USP19: variants seen among roughly 807,000 people sequenced by gnomAD.
The protein encoded by USP19 is ubiquitin carboxyl-terminal hydrolase 19.
In USP19, 40 loss-of-function variants were observed where a neutral mutation model predicts 144.8. That is an observed-to-expected ratio of 0.28 (90% CI 0.21 to 0.36). The LOEUF (loss-of-function observed/expected upper bound fraction) is 0.36, where lower values mean the gene tolerates loss of function less well. Ranked by LOEUF, USP19 falls within the 10% of genes least tolerant of loss-of-function variation. The pLI, the probability that USP19 is intolerant of heterozygous loss-of-function variation, is 1.00. For missense variants in USP19, 1,518 were observed against 1,822.5 expected, an observed-to-expected ratio of 0.83 and a Z score of 3.04; for synonymous variants, 701 against 709.3, an observed-to-expected ratio of 0.99 and a Z score of 0.19.
chr3:49,115,831 C>G lies in USP19; in HGVS notation c.1585G>C (p.Glu529Gln), dbSNP rs1385189300. The change falls in exon 11 of 27, where the codon GAG becomes CAG. Residue 529 changes from glutamate to glutamine, a missense_variant. Glu to Gln is a conservative substitution (Grantham distance 29, BLOSUM62 2). This residue lies in a region of USP19 where 707 missense variants were observed against 728.9 expected (regional missense o/e 0.97). Transcript: ENST00000417901. The surrounding 1 kb of genome is among the most constrained non-coding windows in gnomAD (Gnocchi z 6.6). ...GATCGTGCCTTGGATTTATCCTTCT[C>G]CACAGCCCGGGCCTCCTCCTGGCCT... Reference protein sequence around the residue: ...LTGQEEARAVEKDKSKARSED... With the variant: ...LTGQEEARAVQKDKSKARSED... 1.2e-6 allele frequency: 2 copies of G among 1,613,708 alleles called. No individual in the cohort carries two copies. The highest frequency in any genetic ancestry group is 1.3e-5 in the African/African-American group (1 of 75,040).
intron 17 of USP19, among the ~76,000 whole-genome samples, chr3:49,113,472 G>C (rs192875596): frequency 6.6e-6 from 1 of 152,214 alleles, no homozygotes; most frequent in Admixed American, 6.5e-5. Flanking sequence ...TAGAGGTGGG[G>C]TTTCACCATG....
chr3:49,113,361 C>G (rs1180430379), intron 17 of USP19, among the ~76,000 whole-genome samples: 3 of 151,972 alleles, frequency 2.0e-5, no homozygotes, highest in Non-Finnish European at 4.4e-5. Flanking sequence ...ACTGCAACCT[C>G]TGCCTCCCAG....
In USP19 at chr3:49,110,701, C is replaced by T; in HGVS notation, c.3698+10G>A. 6.2e-7 allele frequency: 1 copy of T among 1,613,512 alleles called. No homozygotes were observed. The highest frequency in any genetic ancestry group is 8.5e-7 in the Non-Finnish European group (1 of 1,179,712). ...CACCCCACCCACAGTTACCAAGGTC[C>T]ACTGCTTACCTAACAGGGAACTCCA... is the stretch of plus-strand genomic sequence containing the variant. On this transcript the variant is annotated intron_variant, in intron 24 of 26. Transcript: ENST00000417901. The surrounding 1 kb of genome is among the most constrained non-coding windows in gnomAD (Gnocchi z 6.1).
In USP19 at chr3:49,114,106, G is replaced by A. The variant is rs2043672145; in HGVS notation, c.2404-13C>T. The stretch of plus-strand genomic sequence containing the variant: ...CGCTCACCAGGAACTGTGGCAAAAA[G>A]GGCAGTCAGTGAGGGAGGTGGGCCA... On this transcript the variant is annotated splice_polypyrimidine_tract_variant and intron_variant, in intron 16 of 26. Coordinates refer to ENST00000417901, the MANE Select transcript of USP19 (RefSeq NM_001199161.2). This position sits in a 1 kb window ranked among gnomAD's most constrained non-coding sequence, Gnocchi z 4.5. The A allele has an allele frequency of 1.2e-6, 2 of 1,614,092 alleles. No individual in the cohort carries two copies. Among genetic ancestry groups the A allele is most frequent in the Non-Finnish European group, 8.5e-7 (1 of 1,180,048 alleles).
In USP19 at chr3:49,110,678, C is replaced by A; in HGVS notation, c.3698+33G>T. 3.7e-6 allele frequency: 6 copies of A among 1,611,914 alleles called. No individual in the cohort carries two copies. The highest frequency in any genetic ancestry group is 5.1e-6 in the Non-Finnish European group (6 of 1,178,640). On this transcript the variant is annotated intron_variant, in intron 24 of 26. Transcript: ENST00000417901. This position sits in a 1 kb window ranked among gnomAD's most constrained non-coding sequence, Gnocchi z 6.1. The stretch of plus-strand genomic sequence containing the variant: ...CAGGATGCCCATCCTGGTCCTCACA[C>A]CCCACCCACAGTTACCAAGGTCCAC...
At position 49,115,368 on chromosome 3, in the gene USP19, A is replaced by G. The variant is rs1443477432; in HGVS notation, c.1889-7T>C. 2 of 1,614,094 alleles carry G rather than the reference A, an allele frequency of 1.2e-6. No individual in the cohort carries two copies. The highest frequency in any genetic ancestry group is 1.7e-5 in the Admixed American group (1 of 60,012). The stretch of plus-strand genomic sequence containing the variant: ...TCAGCCTCAAAGGAGCGGTCTAGGA[A>G]TAGTAGCCGAGCAAAGGTGTGAGGA... On this transcript the variant is annotated splice_polypyrimidine_tract_variant and splice_region_variant and intron_variant, in intron 12 of 26. Transcript: ENST00000417901. The surrounding 1 kb of genome is among the most constrained non-coding windows in gnomAD (Gnocchi z 6.6).
In USP19 at chr3:49,116,061, G is replaced by A; in HGVS notation, c.1457C>T (p.Ala486Val). ...CGTGTGCAGACCTCGTGCAGCCGGG[G>A]CCTCCAGGCCCCCCCAGCGCTGACT... Reference protein sequence around the residue: ...RQSQRWGGLEAPAARGAVGGA... With the variant: ...RQSQRWGGLEVPAARGAVGGA... Residue 486 changes from alanine to valine, a missense_variant, in exon 10 of 27, where the codon GCC (alanine) becomes GTC (valine). Ala to Val is a moderately conservative substitution (Grantham distance 64). Around this residue, in one of 5 missense-constraint regions of USP19, gnomAD observed 707 missense variants for 728.9 expected, o/e 0.97. Transcript: ENST00000417901. This position sits in a 1 kb window ranked among gnomAD's most constrained non-coding sequence, Gnocchi z 5.0. 6.3e-7 allele frequency: 1 copy of A among 1,597,678 alleles called. No homozygotes were observed. Among genetic ancestry groups the A allele is most frequent in the Non-Finnish European group, 8.5e-7 (1 of 1,175,798 alleles).
Position 49,111,986 on chromosome 3 carries a change from T to C in USP19, c.2828A>G (p.Tyr943Cys), listed in dbSNP as rs1575440521. The C allele has an allele frequency of 1.9e-6, 3 of 1,613,746 alleles. No homozygotes were observed. The highest frequency in any genetic ancestry group is 1.7e-5 in the Admixed American group (1 of 59,984). Residue 943 changes from tyrosine (Y) to cysteine (C), a missense_variant, in exon 20 of 27, where the codon TAC (tyrosine) becomes TGC (cysteine). Transcript: ENST00000417901. This position sits in a 1 kb window ranked among gnomAD's most constrained non-coding sequence, Gnocchi z 5.9. The stretch of plus-strand genomic sequence containing the variant: ...GGCAGGTACACTGACCAGGAAGGGG[T>C]AGCCAATGTTCTCAGGTCGGCAGAG... ...KGLCRPENIG[Y>C]PFLVSVPASR...
Position 49,109,002 on chromosome 3 carries a change from G to A in USP19, c.4039-474C>T, listed in dbSNP as rs779486389. ...GATACCAGAGGATAGAACACGTTGA[G>A]CACGAGGGCCACCAAAGCCGCCACG... On this transcript the variant is annotated intron_variant, in intron 26 of 26. Transcript: ENST00000417901. The A allele has an allele frequency of 3.7e-6, 6 of 1,613,498 alleles. No individual in the cohort carries two copies. In the African/African-American group the frequency reaches 8.0e-5, roughly 22 times the overall value.
In USP19 at chr3:49,115,698, C is replaced by T. The variant is rs769640921; in HGVS notation, c.1692+26G>A. 8 of 1,606,974 alleles carry T rather than the reference C, an allele frequency of 5.0e-6. No individual in the cohort carries two copies. Among genetic ancestry groups the T allele is most frequent in the Admixed American group, 1.7e-5 (1 of 59,762 alleles). On this transcript the variant is annotated intron_variant, in intron 11 of 26. Transcript: ENST00000417901. The surrounding 1 kb of genome is among the most constrained non-coding windows in gnomAD (Gnocchi z 6.6). ...CCAAGACTCTCCAGCCTCCATTCTT[C>T]GTCCTTCCCACCCCAGAATTCTCAC...
chr3:49,112,123 T>G lies in USP19; in HGVS notation c.2766-75A>C. The G allele has an allele frequency of 6.3e-7, 1 of 1,579,612 alleles. No homozygotes were observed. On this transcript the variant is annotated intron_variant, in intron 19 of 26. Transcript: ENST00000417901. This position sits in a 1 kb window ranked among gnomAD's most constrained non-coding sequence, Gnocchi z 4.9. ...ACTCCATACTGGGGGCTAGTCATAG[T>G]CCCTGGGAACTGGGTACGCCAGCCC...
chr3:49,112,651 A>G lies in USP19; in HGVS notation c.2506-22T>C. The G allele has an allele frequency of 5.0e-6, 8 of 1,604,344 alleles. No homozygotes were observed. Among genetic ancestry groups the G allele is most frequent in the Non-Finnish European group, 6.0e-6 (7 of 1,173,586 alleles). On this transcript the variant is annotated intron_variant, in intron 17 of 26. Transcript: ENST00000417901. This position sits in a 1 kb window ranked among gnomAD's most constrained non-coding sequence, Gnocchi z 4.9. ...TTACCTGGGGACAGAGAACACACAG[A>G]TCCCACGTGAGGATAAGCCCTTTCC...
At position 49,116,940 on chromosome 3, in the gene USP19, C is replaced by T. The variant is rs756898119; in HGVS notation, c.913G>A (p.Glu305Lys). The T allele has an allele frequency of 1.9e-6, 3 of 1,613,348 alleles. No individual in the cohort carries two copies. The highest frequency in any genetic ancestry group is 2.5e-6 in the Non-Finnish European group (3 of 1,179,802). The change falls in exon 7 of 27, where the codon GAG (glutamate) becomes AAG (lysine). Residue 305 changes from glutamate to lysine, a missense_variant. This residue lies in a region of USP19 where 707 missense variants were observed against 728.9 expected (regional missense o/e 0.97). Transcript: ENST00000417901. This position sits in a 1 kb window ranked among gnomAD's most constrained non-coding sequence, Gnocchi z 5.0. The stretch of plus-strand genomic sequence containing the variant: ...GGTATGCAAAGCTGTTCATCAGCCT[C>T]AACCTATTAATGGCAAGATTGTGGA... ...PFVADPATQV[E>K]ADEQLCIPPL...
chr3:49,112,781 G>C lies in USP19; in HGVS notation c.2506-152C>G. 1 of 1,137,972 alleles carries C rather than the reference G, an allele frequency of 8.8e-7. No individual in the cohort carries two copies. Among genetic ancestry groups the C allele is most frequent in the South Asian group, 1.7e-5 (1 of 59,544 alleles). The allele number at this position is 1,137,972 out of a possible 1,614,324, so 70.5% of individuals were successfully genotyped here. A position where few individuals can be genotyped will look rare whatever the true frequency, so the allele number is the denominator to read the frequency against. ...TAGGCTTATGCCTCTGCTGGCACCT[G>C]TCTCAGTGCCCAATGCCATAAGGAG... On this transcript the variant is annotated intron_variant, in intron 17 of 26. Transcript: ENST00000417901. The surrounding 1 kb of genome is among the most constrained non-coding windows in gnomAD (Gnocchi z 4.9).
intron 2 of USP19, 86 bp downstream of exon 2, chr3:49,118,936 G>A (rs901334228): frequency 5.1e-6 from 8 of 1,580,570 alleles, no homozygotes; most frequent in African/African-American, 4.0e-5. Context: ...AGAAGAACAA[G>A]AAAGTCATCT....
Position 49,116,739 on chromosome 3 carries a change from T to C in USP19, c.1114A>G (p.Thr372Ala), listed in dbSNP as rs891622900. The change falls in exon 7 of 27, where the codon ACC (threonine) becomes GCC (alanine). Residue 372 changes from threonine (T) to alanine (A), a missense_variant. Physicochemically the swap from Thr to Ala is moderately conservative, Grantham distance 58. This residue lies in a region of USP19 where 707 missense variants were observed against 728.9 expected (regional missense o/e 0.97). Coordinates refer to ENST00000417901, the MANE Select transcript of USP19 (RefSeq NM_001199161.2). This position sits in a 1 kb window ranked among gnomAD's most constrained non-coding sequence, Gnocchi z 5.0. The part of the protein sequence containing the change: ...EEMAVAADAA[T>A]LVDEPESMVN... ...CCCCCACCTTTACCATCCACCAAGG[T>C]TGCAGCATCTGCTGCCACTGCCATC... The C allele has an allele frequency of 5.0e-6, 8 of 1,611,184 alleles. No individual in the cohort carries two copies. Among genetic ancestry groups the C allele is most frequent in the Non-Finnish European group, 6.8e-6 (8 of 1,178,276 alleles).
chr3:49,117,451 A>G lies in USP19; in HGVS notation c.592T>C (p.Trp198Arg). Residue 198 changes from tryptophan (W) to arginine (R), a missense_variant, in exon 5 of 27, where the codon TGG becomes CGG. Transcript: ENST00000417901. This position sits in a 1 kb window ranked among gnomAD's most constrained non-coding sequence, Gnocchi z 4.4. ...CTAGAACTCACCAGGAGGGAGGGCCACGTGAGCATAGGCACCTTTTTGGGC... is the reference window on the plus strand; with the variant it reads ...CTAGAACTCACCAGGAGGGAGGGCCGCGTGAGCATAGGCACCTTTTTGGGC... ...TLPKKVPMLT[W>R]PSLLKKPLGT... 6.2e-7 allele frequency: 1 copy of G among 1,614,146 alleles called. No individual in the cohort carries two copies. Among genetic ancestry groups the G allele is most frequent in the Non-Finnish European group, 8.5e-7 (1 of 1,180,030 alleles).
At chr3:49,109,022 G>T (rs760020641) in intron 26 of USP19, 5 of 1,613,596 alleles carry the variant, frequency 3.1e-6, no homozygotes, top group South Asian at 1.1e-5. Flanking sequence ...CACCAAAGCC[G>T]CCACGGTGCC....
rs1249628664 is a variant in USP19, at chr3:49,119,101, T to C, written c.45A>G (p.Pro15=). 1.2e-6 allele frequency: 2 copies of C among 1,613,902 alleles called. No homozygotes were observed. Among genetic ancestry groups the C allele is most frequent in the Non-Finnish European group, 1.7e-6 (2 of 1,180,000 alleles). The change falls in exon 2 of 27, where the codon CCA becomes CCG. Residue 15 remains proline, a synonymous_variant. Transcript: ENST00000417901. The part of the protein sequence containing the change: ...ASATGPRRGP[P]GLEDTTSKKK... ...TCTTACTAGTGGTGTCCTCCAGTCC[T>C]GGGGGCCCTCTCCTTGGGCCTGTGG...
Sources: allele counts gnomAD v4.1 joint callset (sites outside exome capture counted in the v4.1 genomes callset), GRCh38; gene constraint gnomAD v4.1.1; regional missense constraint gnomAD v4.1.1; non-coding constraint Gnocchi (gnomAD v3.1); transcripts MANE v1.5; gene names NCBI Gene and HGNC (gene_info 2026-07-23, HGNC 2026-07-21).